Variants in LINGO2 observed in about 807,000 individuals in gnomAD.
LINGO2 encodes the protein leucine rich repeat and Ig domain containing 2.
A neutral mutation model predicts 30.6 loss-of-function variants in LINGO2; 14 were observed. That is an observed-to-expected ratio of 0.46 (90% CI 0.30 to 0.72). The LOEUF is 0.72. LINGO2 is among the 30% of genes least tolerant of loss of function. LINGO2 has a pLI of 0.07. For missense variants in LINGO2, 729 were observed against 751.7 expected (o/e 0.97, Z 0.35); for synonymous variants, 317 against 288.5 (o/e 1.10, Z -1.00).
chr9:28,594,920 T>C (rs774362301), intron 1 of LINGO2, among the ~76,000 whole-genome samples: 4 of 152,124 alleles, frequency 2.6e-5, no homozygotes, highest in Non-Finnish European at 5.9e-5. Flanking sequence ...GTGTATAAAT[T>C]TGAAATGATG....
At chr9:28,499,954 T>C (rs1282491375) in intron 1 of LINGO2, among the ~76,000 whole-genome samples, 4 of 152,144 alleles carry the variant, frequency 2.6e-5, no homozygotes, top group Non-Finnish European at 4.4e-5. Context: ...TCTTTGATGG[T>C]AGTCAGTTAA....
At chr9:28,701,890 T>A in the LINGO2 span, among the ~76,000 whole-genome samples, 2 of 151,866 alleles carry the variant, frequency 1.3e-5, no homozygotes, top group African/African-American at 4.8e-5. Flanking sequence ...ATTTTTGGGG[T>A]GCTAGTGTAA....
rs1421636121 is a variant in LINGO2 at position 28,348,356 on chromosome 9, G to C, written c.-246+24480C>G. Among the ~76,000 whole-genome samples, 5 of 152,166 alleles carry C rather than the reference G, an allele frequency of 3.3e-5. No homozygotes were observed. In the South Asian group the frequency reaches 1.0e-3, roughly 32 times the overall value. Reference sequence around the variant, plus strand: ...CTTGGGAAGCGCAAGGGGTCAGAGAGTTCCCTTTCTGAGTCAAAGAAAGGG... The same window carrying C: ...CTTGGGAAGCGCAAGGGGTCAGAGACTTCCCTTTCTGAGTCAAAGAAAGGG... On this transcript the variant is annotated intron_variant, in intron 3 of 5. Transcript: ENST00000379992.
At chr9:28,700,429 A>T in the LINGO2 span, among the ~76,000 whole-genome samples, 1 of 152,002 alleles carries the variant, frequency 6.6e-6, no homozygotes, top group Non-Finnish European at 1.5e-5. Flanking sequence ...TTCACTTAGA[A>T]GTATGTTCCT....
At chr9:28,021,152 A>G (rs1295472174) in intron 4 of LINGO2, among the ~76,000 whole-genome samples, 1 of 151,986 alleles carries the variant, frequency 6.6e-6, no homozygotes, top group African/African-American at 2.4e-5. Context: ...TTTCTAATAT[A>G]TGCACTTGAT....
chr9:29,128,604 G>T, the LINGO2 span, among the ~76,000 whole-genome samples: 36,537 of 151,908 alleles, frequency 0.24, 4,539 homozygotes, highest in East Asian at 0.4. Context: ...TGTTTGGCCT[G>T]AATGTTCTTT....
chr9:28,534,952 GTATA>G (rs1181631481), intron 1 of LINGO2, among the ~76,000 whole-genome samples: 3 of 151,982 alleles, frequency 2.0e-5, no homozygotes, highest in Non-Finnish European at 4.4e-5. Context: ...ACATGTGTAT[GTATA>G]TACATACACA....
At chr9:28,500,930 A>C (rs1342568789) in intron 1 of LINGO2, among the ~76,000 whole-genome samples, 1 of 152,194 alleles carries the variant, frequency 6.6e-6, no homozygotes, top group Admixed American at 6.5e-5. Context: ...CAGCAGTTAA[A>C]GTGGAAGAAT....
chr9:28,600,935 A>C (rs1428603694), intron 1 of LINGO2, among the ~76,000 whole-genome samples: 1 of 152,186 alleles, frequency 6.6e-6, no homozygotes, highest in East Asian at 1.9e-4. Flanking sequence ...ATAGATTAAC[A>C]AAATGGAAAT....
chr9:28,252,267 C>G (rs1822228096), intron 4 of LINGO2, among the ~76,000 whole-genome samples: 1 of 152,050 alleles, frequency 6.6e-6, no homozygotes, highest in Non-Finnish European at 1.5e-5. Flanking sequence ...CACTCTGTTT[C>G]TAGGCTGGAG....
chr9:28,819,904 C>T, the LINGO2 span, among the ~76,000 whole-genome samples: 2 of 152,146 alleles, frequency 1.3e-5, no homozygotes, highest in Admixed American at 6.6e-5. Flanking sequence ...AGGGGAGGAG[C>T]ATACATATAT....
chr9:28,155,249 G>T (rs1187868905), intron 4 of LINGO2, among the ~76,000 whole-genome samples: 1 of 152,190 alleles, frequency 6.6e-6, no homozygotes, highest in African/African-American at 2.4e-5. Context: ...ACCCAGCCAG[G>T]AATCTAGAAG....
At chr9:28,679,285 G>A in the LINGO2 span, among the ~76,000 whole-genome samples, 1 of 152,002 alleles carries the variant, frequency 6.6e-6, no homozygotes, top group Admixed American at 6.6e-5. Flanking sequence ...ACAGTTCCTT[G>A]GGGCCAGACT....
chr9:27,975,491 A>G (rs572546222), intron 5 of LINGO2, among the ~76,000 whole-genome samples: 51 of 152,190 alleles, frequency 3.4e-4, no homozygotes, highest in African/African-American at 1.2e-3. Flanking sequence ...ACCTCACAAT[A>G]TGATAACATG....
intron 4 of LINGO2, among the ~76,000 whole-genome samples, chr9:28,110,231 T>C (rs1587004752): frequency 6.6e-6 from 1 of 152,294 alleles, no homozygotes; most frequent in East Asian, 1.9e-4. Flanking sequence ...TTACACCTTA[T>C]ATAAAAATTA....
intron 4 of LINGO2, among the ~76,000 whole-genome samples, chr9:28,254,104 G>C (rs1166107462): frequency 6.6e-6 from 1 of 152,002 alleles, no homozygotes; most frequent in Non-Finnish European, 1.5e-5. Flanking sequence ...GTCTTTAGCT[G>C]AACTAAGGAG....
chr9:28,959,154 T>A, the LINGO2 span, among the ~76,000 whole-genome samples: 2 of 152,082 alleles, frequency 1.3e-5, no homozygotes, highest in Non-Finnish European at 2.9e-5. Flanking sequence ...AGTTGGTTTG[T>A]TGTACAGGTT....
chr9:28,321,043 C>T lies in LINGO2; in HGVS notation c.-245-25677G>A, dbSNP rs2891315. Among the ~76,000 whole-genome samples, 1,120 of 148,038 alleles carry T rather than the reference C, an allele frequency of 7.6e-3. 20 individuals are homozygous for T. Among genetic ancestry groups the T allele is most frequent in the African/African-American group, 0.025 (1,019 of 40,972 alleles). On this transcript the variant is annotated intron_variant, in intron 3 of 5. Transcript: ENST00000379992. ...CACATTTCTTAGGATGAATAAGTTACTTTAATTTTTGTTAATTTTTTTTAA... is the reference window on the plus strand; with the variant it reads ...CACATTTCTTAGGATGAATAAGTTATTTTAATTTTTGTTAATTTTTTTTAA...
At chr9:27,937,773 A>G in the LINGO2 span, 1 of 152,170 alleles carries the variant, frequency 6.6e-6, no homozygotes, top group Non-Finnish European at 1.5e-5. Flanking sequence ...GTTTTGAAGG[A>G]CACCAAGACA....
Sources: allele counts gnomAD v4.1 joint callset (sites outside exome capture counted in the v4.1 genomes callset), GRCh38; gene constraint gnomAD v4.1.1; transcripts MANE v1.5; gene names NCBI Gene and HGNC (gene_info 2026-07-23, HGNC 2026-07-21).